The following HECTD4 variants were observed in gnomAD, a reference collection of about 807,000 sequenced individuals.
HECTD4 encodes the protein probable E3 ubiquitin-protein ligase HECTD4.
In HECTD4, 114 loss-of-function variants were observed where a neutral mutation model predicts 471.5. The observed-to-expected ratio is 0.24, with a 90% CI of 0.21 to 0.28. The LOEUF is 0.28. HECTD4 is among the 10% of genes least tolerant of loss of function. The probability of loss-of-function intolerance (pLI) is 1.00; values close to 1 mark genes in which losing one functional copy is unlikely to be tolerated. For synonymous variants in HECTD4, 2,012 were observed against 2,256.0 expected (o/e 0.89, Z 3.07); for missense variants, 3,866 against 5,651.5 (o/e 0.68, Z 10.13).
intron 40 of HECTD4, 148 bp from the exon 41 acceptor site, chr12:112,230,028 C>T (rs1293506211): frequency 5.2e-5 from 34 of 653,704 alleles, no homozygotes; most frequent in Non-Finnish European, 5.6e-5. Flanking sequence ...CAGGTATGGC[C>T]AATGACATCT....
intron 22 of HECTD4, among the ~76,000 whole-genome samples, chr12:112,252,986 T>A (rs1240894966): frequency 6.6e-6 from 1 of 150,802 alleles, no homozygotes; most frequent in East Asian, 1.9e-4. Context: ...ATTTTTTTAT[T>A]TTTTTTTTGT....
At chr12:112,181,611 C>A (rs779582298) in intron 62 of HECTD4, among the ~76,000 whole-genome samples, 1 of 152,106 alleles carries the variant, frequency 6.6e-6, no homozygotes, top group Non-Finnish European at 1.5e-5. Flanking sequence ...TACAGGCATA[C>A]GCCACCACGC....
intron 1 of HECTD4, among the ~76,000 whole-genome samples, chr12:112,344,665 T>C (rs2036114022): frequency 6.6e-6 from 1 of 152,162 alleles, no homozygotes; most frequent in Admixed American, 6.5e-5. Flanking sequence ...ACACCTGTAA[T>C]CCCAGCACTT....
At chr12:112,295,367 AT>A (rs397971787) in intron 7 of HECTD4, among the ~76,000 whole-genome samples, 325 of 143,652 alleles carry the variant, frequency 2.3e-3, no homozygotes, top group Middle Eastern at 3.5e-3. Flanking sequence ...TGGTAAGGTG[AT>A]TTTTTTTTTT....
chr12:112,309,462 T>A (rs1208460802), intron 5 of HECTD4, 99 bp downstream of exon 5: 1 of 586,598 alleles, frequency 1.7e-6, no homozygotes, highest in African/African-American at 1.9e-5. Flanking sequence ...GTTACTAGTC[T>A]ATGGGGAGCT....
chr12:112,207,254 C>T (rs752909329), intron 52 of HECTD4, among the ~76,000 whole-genome samples: 4 of 152,196 alleles, frequency 2.6e-5, no homozygotes, highest in African/African-American at 4.8e-5. Flanking sequence ...AGCGATTCTC[C>T]TGTCTCAGCC....
At chr12:112,230,953 GAAAACAAGA>G in intron 39 of HECTD4, 131 bp from the exon 40 acceptor site, 3 of 767,092 alleles carry the variant, frequency 3.9e-6, no homozygotes, top group Non-Finnish European at 6.1e-6. Flanking sequence ...CATTGACCGA[GAAAACAAGA>G]AGCTACATTA....
At chr12:112,286,054 G>C (rs2034746264) in intron 7 of HECTD4, among the ~76,000 whole-genome samples, 1 of 152,090 alleles carries the variant, frequency 6.6e-6, no homozygotes, top group African/African-American at 2.4e-5. Flanking sequence ...CTATATTATT[G>C]TATTTGAGTA....
intron 67 of HECTD4, among the ~76,000 whole-genome samples, chr12:112,172,150 G>A (rs1028489136): frequency 9.9e-5 from 15 of 152,160 alleles, no homozygotes; most frequent in African/African-American, 2.9e-4. Flanking sequence ...TGATCCGCCC[G>A]CCTTGGCCTC....
chr12:112,333,705 C>T (rs1468559851), intron 1 of HECTD4, among the ~76,000 whole-genome samples: 2 of 152,044 alleles, frequency 1.3e-5, no homozygotes, highest in Admixed American at 1.3e-4. Flanking sequence ...AAAAAAAGCA[C>T]AATAATGCAA....
intron 7 of HECTD4, among the ~76,000 whole-genome samples, chr12:112,286,315 A>T (rs1031181856): frequency 3.3e-5 from 5 of 152,044 alleles, no homozygotes; most frequent in Non-Finnish European, 5.9e-5. Context: ...CAGCCTCCCA[A>T]CCTGTCTTCC....
At chr12:112,282,423 A>T (rs2034666296) in intron 8 of HECTD4, among the ~76,000 whole-genome samples, 1 of 152,084 alleles carries the variant, frequency 6.6e-6, no homozygotes, top group Non-Finnish European at 1.5e-5. Flanking sequence ...ACAACGAAAA[A>T]AAAAGTGCAG....
At chr12:112,211,759 G>A (rs2032767818) in intron 49 of HECTD4, among the ~76,000 whole-genome samples, 1 of 152,154 alleles carries the variant, frequency 6.6e-6, no homozygotes. Flanking sequence ...GAATATCAAG[G>A]TTTTTGGCCT....
rs1478191797 is a variant in HECTD4, at chr12:112,217,071, C to T, written c.7199G>A (p.Gly2400Asp). 6.3e-7 allele frequency: 1 copy of T among 1,583,712 alleles called. No individual in the cohort carries two copies. Among genetic ancestry groups the T allele is most frequent in the East Asian group, 2.2e-5 (1 of 44,490 alleles). Reference sequence around the variant, plus strand: ...TGGTGAAGTGGCATAGATAAAAGTGCCCCGGGGCAGGCCTCCCCCAGCGCT... The same window carrying T: ...TGGTGAAGTGGCATAGATAAAAGTGTCCCGGGGCAGGCCTCCCCCAGCGCT... Reference protein sequence around the residue: ...DPSAGGGLPRGTFIYATSPLP... With the variant: ...DPSAGGGLPRDTFIYATSPLP... The change falls in exon 46 of 76, where the codon GGC becomes GAC. Residue 2400 changes from glycine (G) to aspartate (D), a missense_variant. Physicochemically the swap from Gly to Asp is moderately conservative, Grantham distance 94. This residue lies in a region of HECTD4 where 617 missense variants were observed against 915.1 expected (regional missense o/e 0.67). Coordinates refer to ENST00000682272, the MANE Select transcript of HECTD4 (RefSeq NM_001388303.1).
chr12:112,227,954 T>C, intron 43 of HECTD4, 135 bp downstream of exon 43: 1 of 745,422 alleles, frequency 1.3e-6, no homozygotes, highest in Non-Finnish European at 2.1e-6. Context: ...AAAAGAATGG[T>C]TACTGTTGCT....
chr12:112,275,888 T>C (rs1030636777), intron 9 of HECTD4, among the ~76,000 whole-genome samples: 1 of 152,164 alleles, frequency 6.6e-6, no homozygotes, highest in Non-Finnish European at 1.5e-5. Flanking sequence ...ATACATATGC[T>C]TTCTCCCCAC....
At chr12:112,197,430 A>ACCT (rs1201392276) in intron 55 of HECTD4, among the ~76,000 whole-genome samples, 1 of 152,208 alleles carries the variant, frequency 6.6e-6, no homozygotes, top group African/African-American at 2.4e-5. Flanking sequence ...CAATGCTCTT[A>ACCT]CCTCAGCCTC....
intron 52 of HECTD4, 120 bp from the exon 53 acceptor site, chr12:112,204,743 C>T: frequency 1.2e-6 from 1 of 812,918 alleles, no homozygotes. Flanking sequence ...TATGAAAGTA[C>T]ATAACCCTTT....
At chr12:112,317,362 A>C (rs911690390) in intron 2 of HECTD4, among the ~76,000 whole-genome samples, 1 of 152,226 alleles carries the variant, frequency 6.6e-6, no homozygotes, top group Admixed American at 6.5e-5. Flanking sequence ...CCTTAAAAAA[A>C]CCCTTGAGAT....
Sources: gnomAD v4.1 joint callset for allele counts (sites outside exome capture counted in the v4.1 genomes callset) on GRCh38, gnomAD v4.1.1 for gene constraint, gnomAD v4.1.1 regional missense constraint, MANE v1.5 for transcripts, NCBI Gene and HGNC (gene_info 2026-07-23, HGNC 2026-07-21) for gene names.